Variants in NCALD observed in about 807,000 individuals in gnomAD.
NCALD encodes the protein neurocalcin delta, also known as neurocalcin-delta.
NCALD carries 10 observed loss-of-function variants against 18.6 expected under a neutral mutation model. The ratio of observed to expected loss-of-function variants is 0.54; its 90% CI spans 0.33 to 0.91. NCALD has a LOEUF of 0.91. Ranked by LOEUF, NCALD falls within the 40% of genes least tolerant of loss-of-function variation. The pLI, the probability that NCALD is intolerant of heterozygous loss-of-function variation, is 0.03. For missense variants in NCALD, 184 were observed against 247.6 expected (o/e 0.74, Z 1.72); for synonymous variants, 88 against 87.4 (o/e 1.01, Z -0.04).
At chr8:101,967,567 T>C (rs1820076255) in intron 2 of NCALD, among the ~76,000 whole-genome samples, 1 of 152,146 alleles carries the variant, frequency 6.6e-6, no homozygotes, top group Admixed American at 6.5e-5. Flanking sequence ...TGTCCCATAC[T>C]CTGCCACTGA....
At chr8:102,076,890 A>G (rs1336010665) in intron 1 of NCALD, among the ~76,000 whole-genome samples, 1 of 152,172 alleles carries the variant, frequency 6.6e-6, no homozygotes, top group Non-Finnish European at 1.5e-5. Flanking sequence ...AATTGCCTAC[A>G]CTTGTGACCC....
intron 1 of NCALD, among the ~76,000 whole-genome samples, chr8:102,072,644 T>A (rs980161235): frequency 6.6e-6 from 1 of 152,144 alleles, no homozygotes; most frequent in Non-Finnish European, 1.5e-5. Context: ...TAATAGGCTT[T>A]ATGCACTTTG....
intron 4 of NCALD, among the ~76,000 whole-genome samples, chr8:101,849,366 T>G (rs1487275798): frequency 6.6e-6 from 1 of 151,956 alleles, no homozygotes; most frequent in Non-Finnish European, 1.5e-5. Context: ...AAATAAAAGT[T>G]GAAGAAAAAA....
At chr8:101,955,192 A>C (rs1586820257) in intron 2 of NCALD, among the ~76,000 whole-genome samples, 1 of 152,228 alleles carries the variant, frequency 6.6e-6, no homozygotes, top group East Asian at 1.9e-4. Flanking sequence ...GTCTTAATTA[A>C]ATGAGAATAT....
intron 2 of NCALD, among the ~76,000 whole-genome samples, chr8:101,961,828 T>C (rs1819847456): frequency 6.6e-6 from 1 of 152,072 alleles, no homozygotes. Flanking sequence ...TCCCCTACTC[T>C]AATTTCCAAA....
chr8:102,063,092 T>A (rs1427157730), intron 1 of NCALD, among the ~76,000 whole-genome samples: 1 of 152,234 alleles, frequency 6.6e-6, no homozygotes. Context: ...ATGAATGCAC[T>A]AATTAAACCC....
intron 2 of NCALD, among the ~76,000 whole-genome samples, chr8:101,925,250 T>C (rs994077676): frequency 6.6e-6 from 1 of 152,038 alleles, no homozygotes; most frequent in Non-Finnish European, 1.5e-5. Context: ...GTGCCTCACA[T>C]GCAGAAAAAT....
At chr8:102,018,219 A>G (rs1822154852) in intron 2 of NCALD, among the ~76,000 whole-genome samples, 1 of 152,220 alleles carries the variant, frequency 6.6e-6, no homozygotes, top group African/African-American at 2.4e-5. Context: ...TGCTTTCCAT[A>G]TGATACAATA....
At chr8:101,741,937 A>AG (rs1491553582) in intron 1 of NCALD, among the ~76,000 whole-genome samples, 4 of 8,372 alleles carry the variant, frequency 4.8e-4, no homozygotes, top group Non-Finnish European at 9.3e-4. Context: ...AGCCTGTCTC[A>AG]AAAAAAAAAA....
intron 1 of NCALD, among the ~76,000 whole-genome samples, chr8:102,084,079 A>G (rs1038468233): frequency 6.6e-6 from 1 of 152,198 alleles, no homozygotes; most frequent in African/African-American, 2.4e-5. Flanking sequence ...CACTCTCTAA[A>G]TGCACAGTCA....
At chr8:102,038,365 G>C (rs896058627) in intron 1 of NCALD, among the ~76,000 whole-genome samples, 1 of 152,152 alleles carries the variant, frequency 6.6e-6, no homozygotes, top group African/African-American at 2.4e-5. Context: ...AACAATCCCT[G>C]CTCTGGATAA....
rs374769310 is a variant in NCALD at position 101,801,854 on chromosome 8, G to A, written c.-19-82206C>T. On this transcript the variant is annotated intron_variant, in intron 4 of 6. Coordinates refer to the NCALD transcript ENST00000311028. ...GCTAATTTTTTGTATTTTTAGTAGAGACGGGGTTTCACCCTGTTAGCCAGG... is the reference window on the plus strand; with the variant it reads ...GCTAATTTTTTGTATTTTTAGTAGAAACGGGGTTTCACCCTGTTAGCCAGG... Among the ~76,000 whole-genome samples the A allele has an allele frequency of 1.1e-4, 16 of 151,662 alleles. No homozygotes were observed. In the East Asian group the frequency reaches 2.9e-3, roughly 28 times the overall value.
At chr8:102,056,136 A>G (rs901513493) in intron 1 of NCALD, among the ~76,000 whole-genome samples, 1 of 152,248 alleles carries the variant, frequency 6.6e-6, no homozygotes, top group African/African-American at 2.4e-5. Flanking sequence ...GAAATTATCC[A>G]AAAGGCAAAA....
At chr8:101,824,577 A>G (rs1813854703) in intron 4 of NCALD, among the ~76,000 whole-genome samples, 1 of 152,128 alleles carries the variant, frequency 6.6e-6, no homozygotes, top group Non-Finnish European at 1.5e-5. Flanking sequence ...TAGCTCAACA[A>G]TAAGACAAGC....
intron 2 of NCALD, among the ~76,000 whole-genome samples, chr8:102,002,048 G>A (rs1821494037): frequency 6.6e-6 from 1 of 152,048 alleles, no homozygotes; most frequent in South Asian, 2.1e-4. Context: ...AATGTAAATG[G>A]GCTAAATGCT....
intron 4 of NCALD, among the ~76,000 whole-genome samples, chr8:101,840,243 T>G (rs921115178): frequency 5.9e-5 from 9 of 152,134 alleles, no homozygotes; most frequent in African/African-American, 2.2e-4. Flanking sequence ...CACTGGCTGA[T>G]TGAAGAAAAG....
chr8:101,826,246 G>A (rs1315398292), intron 4 of NCALD, among the ~76,000 whole-genome samples: 1 of 152,166 alleles, frequency 6.6e-6, no homozygotes, highest in Non-Finnish European at 1.5e-5. Context: ...AGGCGGGAGT[G>A]TTTCCATCTT....
intron 1 of NCALD, among the ~76,000 whole-genome samples, chr8:102,037,393 G>A (rs1367865199): frequency 6.6e-6 from 1 of 151,910 alleles, no homozygotes; most frequent in Admixed American, 6.6e-5. Context: ...TTATACTATA[G>A]AATATTTAAG....
intron 2 of NCALD, among the ~76,000 whole-genome samples, chr8:101,972,152 T>C (rs1046355364): frequency 6.6e-5 from 10 of 152,112 alleles, no homozygotes; most frequent in South Asian, 2.1e-4. Context: ...TAGAAAGCAC[T>C]GGCAAAAAGT....
Sources: allele counts gnomAD v4.1 joint callset (sites outside exome capture counted in the v4.1 genomes callset), GRCh38; gene constraint gnomAD v4.1.1; transcripts MANE v1.5; gene names NCBI Gene and HGNC (gene_info 2026-07-23, HGNC 2026-07-21).